RGSL1: variants seen among roughly 807,000 people sequenced by gnomAD.
RGSL1 encodes regulator of G protein signaling protein-like.
RGSL1 carries 97 observed loss-of-function variants against 124.7 expected under a neutral mutation model. The ratio of observed to expected loss-of-function variants is 0.78; its 90% confidence interval spans 0.66 to 0.92. The LOEUF (loss-of-function observed/expected upper bound fraction) is 0.92. Ranked by LOEUF, RGSL1 falls within the 40% of genes least tolerant of loss-of-function variation. The pLI is 0.00. For missense variants in RGSL1, 1,233 were observed against 1,288.4 expected (o/e 0.96, Z 0.66); for synonymous variants, 424 against 438.1 (o/e 0.97, Z 0.40).
chr1:182,484,575 C>T (rs570918671), intron 6 of RGSL1, among the ~76,000 whole-genome samples: 4 of 152,258 alleles, frequency 2.6e-5, no homozygotes, highest in East Asian at 1.9e-4. Flanking sequence ...TTCACAGGTT[C>T]GGGGCTCAGC....
At chr1:182,544,356 T>C (rs1439721317) in intron 15 of RGSL1, among the ~76,000 whole-genome samples, 1 of 152,090 alleles carries the variant, frequency 6.6e-6, no homozygotes, top group Non-Finnish European at 1.5e-5. Context: ...TCCATCATGG[T>C]CAGATAGGAT....
At position 182,473,585 on chromosome 1, in the gene RGSL1, G is replaced by T; in HGVS notation, c.474G>T (p.Leu158=). ...TLCNMNIKSL[L]NLSIWHPNQS... ...CTGTATTATTTCCAGAGTCCCTCCT[G>T]AACCTCTCCATCTGGCATCCCAACC... The change falls in exon 6 of 22, where the codon CTG becomes CTT. Residue 158 remains leucine (L), a synonymous_variant. Coordinates refer to ENST00000294854, the MANE Select transcript of RGSL1 (RefSeq NM_001137669.2). 6.5e-7 allele frequency: 1 copy of T among 1,544,814 alleles called. No individual in the cohort carries two copies. Among genetic ancestry groups the T allele is most frequent in the South Asian group, 1.2e-5 (1 of 82,712 alleles).
At chr1:182,544,557 T>C (rs929401373) in intron 15 of RGSL1, among the ~76,000 whole-genome samples, 2 of 151,808 alleles carry the variant, frequency 1.3e-5, no homozygotes, top group Admixed American at 6.6e-5. Context: ...GTTGATTTTC[T>C]ATCTGGATGA....
At chr1:182,483,268 A>T (rs1185783935) in intron 6 of RGSL1, among the ~76,000 whole-genome samples, 2 of 152,126 alleles carry the variant, frequency 1.3e-5, no homozygotes, top group Non-Finnish European at 2.9e-5. Flanking sequence ...AAAAGAAAAA[A>T]AAAAGCAAAC....
intron 9 of RGSL1, among the ~76,000 whole-genome samples, chr1:182,501,307 C>CTTTTTTTTTTTTTTTTTTTTTTTTTTT (rs141279993): frequency 6.5e-5 from 4 of 61,342 alleles, no homozygotes; most frequent in Non-Finnish European, 1.1e-4. Context: ...TTTTTCTTTT[C>CTTTTTTTTTTTTTTTTTTTTTTTTTTT]TTTTTTTTTT....
At chr1:182,463,240 G>A (rs1199444685) in intron 4 of RGSL1, among the ~76,000 whole-genome samples, 1 of 150,252 alleles carries the variant, frequency 6.7e-6, no homozygotes, top group Non-Finnish European at 1.5e-5. Context: ...CTTGCAGTGA[G>A]TGGAGATCAC....
intron 9 of RGSL1, among the ~76,000 whole-genome samples, chr1:182,502,401 C>A (rs1558321582): frequency 6.6e-6 from 1 of 152,126 alleles, no homozygotes; most frequent in Non-Finnish European, 1.5e-5. Context: ...CATAATGAGA[C>A]CCTGTCTCTA....
chr1:182,539,667 C>A (rs1659763545), intron 14 of RGSL1, among the ~76,000 whole-genome samples: 1 of 152,178 alleles, frequency 6.6e-6, no homozygotes, highest in Admixed American at 6.5e-5. Flanking sequence ...GAATAGATGT[C>A]TTTGCATATA....
chr1:182,454,067 A>G (rs1182238291), intron 2 of RGSL1, 27 bp downstream of exon 2: 2 of 1,301,632 alleles, frequency 1.5e-6, no homozygotes, highest in Non-Finnish European at 2.2e-6. Context: ...TTAAATACAA[A>G]TATTTCATCA....
chr1:182,455,444 TG>T (rs977613765), intron 2 of RGSL1, among the ~76,000 whole-genome samples: 1 of 151,888 alleles, frequency 6.6e-6, no homozygotes, highest in Non-Finnish European at 1.5e-5. Flanking sequence ...TAGCCGGGCG[TG>T]GTGGCGGGAG....
chr1:182,532,986 G>T (rs1468615880), intron 14 of RGSL1, among the ~76,000 whole-genome samples, 195 bp downstream of exon 14: 1 of 152,120 alleles, frequency 6.6e-6, no homozygotes, highest in African/African-American at 2.4e-5. Flanking sequence ...TGCTTAAGGA[G>T]CCAGCAAGGG....
At chr1:182,456,299 C>CT (rs113276872) in intron 2 of RGSL1, among the ~76,000 whole-genome samples, 25,103 of 141,742 alleles carry the variant, frequency 0.18, 2,169 homozygotes, top group South Asian at 0.24. Context: ...CAGAAGTAAT[C>CT]TTTTTTTTTT....
chr1:182,521,790 T>G (rs1658359136), intron 9 of RGSL1, among the ~76,000 whole-genome samples: 1 of 152,208 alleles, frequency 6.6e-6, no homozygotes, highest in Admixed American at 6.5e-5. Context: ...GCCAACATAC[T>G]TATATAACAT....
chr1:182,522,171 A>T (rs200033949), intron 10 of RGSL1, 62 bp downstream of exon 10: 2 of 1,126,974 alleles, frequency 1.8e-6, no homozygotes, highest in Non-Finnish European at 2.6e-6. Flanking sequence ...AAACCTCAAC[A>T]TGTCTAATGG....
rs575810806 is a variant in RGSL1 at position 182,492,957 on chromosome 1, A to G, written c.1718-65A>G. ...TAAAGGCAATACCTTCAACAAAAGT[A>G]TATGAATCTTTGAACCCAGACTTTG... is the stretch of plus-strand genomic sequence containing the variant. On this transcript the variant is annotated intron_variant, in intron 8 of 21. Transcript: ENST00000294854. 2.7e-6 allele frequency: 3 copies of G among 1,097,570 alleles called. No homozygotes were observed. In the South Asian group the frequency reaches 4.0e-5, roughly 15 times the overall value. The allele number at this position is 1,097,570 out of a possible 1,614,324, so 68.0% of individuals were successfully genotyped here.
At chr1:182,473,010 C>T (rs1653976766) in intron 5 of RGSL1, among the ~76,000 whole-genome samples, 1 of 152,052 alleles carries the variant, frequency 6.6e-6, no homozygotes, top group Admixed American at 6.6e-5. Context: ...ACCATCTGGC[C>T]CTTTACATAA....
At chr1:182,494,375 G>A (rs1428028020) in intron 9 of RGSL1, among the ~76,000 whole-genome samples, 2 of 152,172 alleles carry the variant, frequency 1.3e-5, no homozygotes, top group African/African-American at 2.4e-5. Flanking sequence ...TCTCTAGACT[G>A]GCACTGTCCA....
chr1:182,559,441 T>C (rs1247522225), intron 21 of RGSL1, among the ~76,000 whole-genome samples: 3 of 152,174 alleles, frequency 2.0e-5, no homozygotes, highest in African/African-American at 7.2e-5. Flanking sequence ...GTCGCTGCTA[T>C]CCAGACCTTC....
At chr1:182,456,454 G>A (rs1031182064) in intron 2 of RGSL1, among the ~76,000 whole-genome samples, 17 of 152,014 alleles carry the variant, frequency 1.1e-4, no homozygotes, top group African/African-American at 3.6e-4. Context: ...GCACCACCAC[G>A]CCCAGCTAAT....
Sources: gnomAD v4.1 joint callset for allele counts (sites outside exome capture counted in the v4.1 genomes callset) on GRCh38, gnomAD v4.1.1 for gene constraint, MANE v1.5 for transcripts, NCBI Gene and HGNC (gene_info 2026-07-23, HGNC 2026-07-21) for gene names.